The following GSG1L variants were observed in gnomAD, a reference collection of about 807,000 sequenced individuals.
The protein encoded by GSG1L is germ cell-specific gene 1-like protein.
GSG1L carries 24 observed loss-of-function variants against 42.1 expected under a neutral mutation model. That is an observed-to-expected ratio of 0.57 (90% CI 0.41 to 0.80). The LOEUF (loss-of-function observed/expected upper bound fraction) is 0.80. Ranked by LOEUF, GSG1L falls within the 30% of genes least tolerant of loss-of-function variation. The pLI, the probability that GSG1L is intolerant of heterozygous loss-of-function variation, is 0.00. For missense variants in GSG1L, 445 were observed against 472.2 expected (o/e 0.94, Z 0.53); for synonymous variants, 215 against 203.5 (o/e 1.06, Z -0.48).
chr16:28,062,523 G>A (rs1342863322), intron 1 of GSG1L, among the ~76,000 whole-genome samples: 1 of 152,172 alleles, frequency 6.6e-6, no homozygotes, highest in Non-Finnish European at 1.5e-5. Context: ...GGAGCCCGCG[G>A]GACTCCCCCA....
intron 1 of GSG1L, among the ~76,000 whole-genome samples, chr16:28,032,418 G>A (rs2085975916): frequency 6.6e-6 from 1 of 152,112 alleles, no homozygotes; most frequent in Admixed American, 6.5e-5. Flanking sequence ...TAGTGAGAGT[G>A]AGACAAATAG....
chr16:27,830,831 A>G (rs1011585990), intron 4 of GSG1L, among the ~76,000 whole-genome samples: 1 of 152,254 alleles, frequency 6.6e-6, no homozygotes, highest in Non-Finnish European at 1.5e-5. Context: ...AGGATAGAGA[A>G]TGAACAAGTA....
intron 2 of GSG1L, among the ~76,000 whole-genome samples, chr16:27,913,564 C>T (rs1379910188): frequency 1.3e-5 from 2 of 152,114 alleles, no homozygotes; most frequent in East Asian, 1.9e-4. Flanking sequence ...GCCTATGGGC[C>T]AAATTTGCCA....
At chr16:27,877,570 A>G (rs149266195) in intron 3 of GSG1L, among the ~76,000 whole-genome samples, 80 of 152,136 alleles carry the variant, frequency 5.3e-4, no homozygotes, top group African/African-American at 1.8e-3. Context: ...GAAGTCACCA[A>G]CTTCCCATTC....
intron 1 of GSG1L, among the ~76,000 whole-genome samples, chr16:28,016,288 G>T (rs2085779420): frequency 6.6e-6 from 1 of 152,150 alleles, no homozygotes; most frequent in Non-Finnish European, 1.5e-5. Context: ...ACTGCACCTG[G>T]AACCAATCAT....
At chr16:27,883,109 A>T (rs560698412) in intron 3 of GSG1L, among the ~76,000 whole-genome samples, 182 of 95,308 alleles carry the variant, frequency 1.9e-3, no homozygotes, top group African/African-American at 6.3e-3. Flanking sequence ...ACAAAGCAAG[A>T]CCCAATCTCA....
At chr16:27,838,750 C>T (rs1186638836) in intron 4 of GSG1L, among the ~76,000 whole-genome samples, 6 of 152,168 alleles carry the variant, frequency 3.9e-5, no homozygotes, top group Non-Finnish European at 8.8e-5. Flanking sequence ...ATGCATAATC[C>T]AGGCCACCCT....
At chr16:27,940,986 C>A (rs2141083120) in intron 2 of GSG1L, among the ~76,000 whole-genome samples, 1 of 151,888 alleles carries the variant, frequency 6.6e-6, no homozygotes, top group East Asian at 1.9e-4. Flanking sequence ...TACCTTAAAC[C>A]ATCTATAAAA....
chr16:27,899,190 T>A (rs1160176154), intron 2 of GSG1L, among the ~76,000 whole-genome samples: 2 of 152,210 alleles, frequency 1.3e-5, no homozygotes, highest in Non-Finnish European at 2.9e-5. Context: ...GTGAATATGA[T>A]CTGGGACTGC....
At chr16:27,849,432 G>A (rs1276020848) in intron 3 of GSG1L, among the ~76,000 whole-genome samples, 1 of 152,194 alleles carries the variant, frequency 6.6e-6, no homozygotes, top group African/African-American at 2.4e-5. Flanking sequence ...TGATTGTAAG[G>A]GGAGGAGGTA....
intron 2 of GSG1L, among the ~76,000 whole-genome samples, chr16:27,940,659 C>T (rs1375112445): frequency 1.2e-5 from 1 of 80,044 alleles, no homozygotes; most frequent in Non-Finnish European, 2.8e-5. Context: ...ACAACGAGAA[C>T]ACATGGACAC....
intron 2 of GSG1L, among the ~76,000 whole-genome samples, chr16:27,918,993 T>C (rs563097761): frequency 4.6e-5 from 7 of 152,192 alleles, no homozygotes; most frequent in Admixed American, 4.6e-4. Flanking sequence ...TCACAATCCT[T>C]CTCCACACAG....
At chr16:27,859,642 G>A (rs1391701813) in intron 3 of GSG1L, among the ~76,000 whole-genome samples, 1 of 152,166 alleles carries the variant, frequency 6.6e-6, no homozygotes, top group Non-Finnish European at 1.5e-5. Flanking sequence ...CCTTGAGCAG[G>A]AGTTGGTTTT....
At chr16:27,987,803 C>T (rs1009909533) in intron 1 of GSG1L, among the ~76,000 whole-genome samples, 2 of 151,946 alleles carry the variant, frequency 1.3e-5, no homozygotes, top group Admixed American at 6.6e-5. Context: ...AAAAACTAGC[C>T]GAGCGTGGTG....
intron 1 of GSG1L, among the ~76,000 whole-genome samples, chr16:28,039,198 C>T (rs980871493): frequency 2.0e-5 from 3 of 152,182 alleles, no homozygotes; most frequent in South Asian, 2.1e-4. Context: ...ACAATGTGAT[C>T]AGTTAAGGAT....
At chr16:27,949,701 G>A (rs62033512) in intron 2 of GSG1L, among the ~76,000 whole-genome samples, 23,440 of 152,138 alleles carry the variant, frequency 0.15, 2,290 homozygotes, top group Non-Finnish European at 0.22. Context: ...CGAGGCGGGC[G>A]GATCACGAGG....
At chr16:27,934,142 GC>G (rs2084688081) in intron 2 of GSG1L, among the ~76,000 whole-genome samples, 1 of 152,176 alleles carries the variant, frequency 6.6e-6, no homozygotes, top group Non-Finnish European at 1.5e-5. Context: ...AGTTCCATTT[GC>G]AAGGGCCACT....
chr16:27,940,469 A>G (rs959540205), intron 2 of GSG1L, among the ~76,000 whole-genome samples: 3 of 145,228 alleles, frequency 2.1e-5, no homozygotes, highest in Non-Finnish European at 3.0e-5. Context: ...TCCAACAATA[A>G]TAGACTGGAT....
At chr16:28,044,012 A>T (rs1475573461) in intron 1 of GSG1L, among the ~76,000 whole-genome samples, 1 of 152,084 alleles carries the variant, frequency 6.6e-6, no homozygotes, top group Non-Finnish European at 1.5e-5. Context: ...AGAGAGTAAG[A>T]TCCTGTCTGA....
Sources: allele counts gnomAD v4.1 joint callset (sites outside exome capture counted in the v4.1 genomes callset), GRCh38; gene constraint gnomAD v4.1.1; transcripts MANE v1.5; gene names NCBI Gene and HGNC (gene_info 2026-07-23, HGNC 2026-07-21).